The following CASZ1 variants were observed in gnomAD, a reference collection of about 807,000 sequenced individuals.
CASZ1 encodes the protein castor zinc finger 1.
A neutral mutation model predicts 135.2 loss-of-function variants in CASZ1; 28 were observed. The observed-to-expected ratio is 0.21, with a 90% CI of 0.15 to 0.28. The LOEUF is 0.28. CASZ1 is among the 10% of genes least tolerant of loss of function. CASZ1 has a pLI of 1.00. For missense variants in CASZ1, 2,161 were observed against 2,453.3 expected, an observed-to-expected ratio of 0.88 and a Z score of 2.52; for synonymous variants, 1,068 against 1,073.4, an observed-to-expected ratio of 0.99 and a Z score of 0.10.
intron 20 of CASZ1, among the ~76,000 whole-genome samples, chr1:10,642,500 CG>C (rs149877439): frequency 0.013 from 2,033 of 151,974 alleles, 43 homozygotes; most frequent in African/African-American, 0.045. Context: ...GAGAGAGAGG[CG>C]GGGCAGTGCC....
In CASZ1 at chr1:10,666,124, G is replaced by A. The variant is rs1460161462; in HGVS notation, c.17-553C>T. On this transcript the variant is annotated intron_variant, in intron 4 of 20. Coordinates refer to ENST00000377022, the MANE Select transcript of CASZ1 (RefSeq NM_001079843.3). This position sits in a 1 kb window ranked among gnomAD's most constrained non-coding sequence, Gnocchi z 5.2. ...AGCCTCTTGCCTCACTGTCCCGGCA[G>A]CACTTGGCTGGCACCCTCCCACCCG... Among the ~76,000 whole-genome samples the A allele has an allele frequency of 2.0e-5, 3 of 152,154 alleles. No homozygotes were observed. Among genetic ancestry groups the A allele is most frequent in the African/African-American group, 4.8e-5 (2 of 41,436 alleles).
chr1:10,709,690 A>T lies in CASZ1; in HGVS notation c.-76-4146T>A, dbSNP rs569613091. 4.8e-4 allele frequency among the ~76,000 whole-genome samples: 73 copies of T among 152,248 alleles called. No homozygotes were observed. In the South Asian group the frequency reaches 0.015, roughly 30 times the overall value. ...AGCGAATCAAAGTGCTGCCCGGAGG[A>T]CGGCTGGGGAGAGAAAGGCCCCAGG... On this transcript the variant is annotated intron_variant, in intron 2 of 20. Coordinates refer to ENST00000377022, the MANE Select transcript of CASZ1 (RefSeq NM_001079843.3). The surrounding 1 kb of genome is among the most constrained non-coding windows in gnomAD (Gnocchi z 5.1).
chr1:10,658,180 A>C, intron 7 of CASZ1: 1 of 319,910 alleles, frequency 3.1e-6, no homozygotes, highest in Non-Finnish European at 6.0e-6. Flanking sequence ...CCTGCACCCT[A>C]CTCAAGGCTC....
chr1:10,683,612 G>A (rs1366380952), intron 4 of CASZ1, among the ~76,000 whole-genome samples: 1 of 152,228 alleles, frequency 6.6e-6, no homozygotes, highest in Non-Finnish European at 1.5e-5. Context: ...GAGAATGCCC[G>A]TTCGGTTAGA....
chr1:10,653,447 C>T lies in CASZ1; in HGVS notation c.2610G>A (p.Lys870=). ...ASIMERISAS[K]GLISPMMARL... is the part of the protein sequence containing the mutation. ...TGGCCATCATGGGCGAGATGAGGCC[C>T]TTGCTTGCAGAGATCCTCTCCATGA... The change falls in exon 11 of 21, where the codon AAG becomes AAA. Residue 870 remains lysine (K), a synonymous_variant. Transcript: ENST00000377022. The T allele has an allele frequency of 6.2e-7, 1 of 1,613,352 alleles. No homozygotes were observed. Among genetic ancestry groups the T allele is most frequent in the Non-Finnish European group, 8.5e-7 (1 of 1,180,010 alleles).
chr1:10,786,303 G>T (rs1277865649), intron 1 of CASZ1, among the ~76,000 whole-genome samples: 6 of 152,170 alleles, frequency 3.9e-5, no homozygotes, highest in African/African-American at 7.2e-5. Flanking sequence ...CCACTTGAGG[G>T]ACTGACTCCG....
rs1055579383 is a variant in CASZ1 at position 10,666,332 on chromosome 1, C to A, written c.17-761G>T. Among the ~76,000 whole-genome samples, 12 of 152,212 alleles carry A rather than the reference C, an allele frequency of 7.9e-5. No individual in the cohort carries two copies. Among genetic ancestry groups the A allele is most frequent in the Non-Finnish European group, 1.8e-4 (12 of 68,030 alleles). On this transcript the variant is annotated intron_variant, in intron 4 of 20. Coordinates refer to ENST00000377022, the MANE Select transcript of CASZ1 (RefSeq NM_001079843.3). This position sits in a 1 kb window ranked among gnomAD's most constrained non-coding sequence, Gnocchi z 5.2. ...GTCTTCTCCAGCCCTTGCCAGCCCC[C>A]TCTTGGCCTCTCTGTCCATTTCCTG...
At chr1:10,687,781 T>C (rs1358241441) in intron 4 of CASZ1, among the ~76,000 whole-genome samples, 1 of 152,198 alleles carries the variant, frequency 6.6e-6, no homozygotes, top group Non-Finnish European at 1.5e-5. Flanking sequence ...TCCCAGGCCA[T>C]GGTCATGGTT....
chr1:10,671,948 GC>G (rs1458215264), intron 4 of CASZ1, among the ~76,000 whole-genome samples: 2 of 152,200 alleles, frequency 1.3e-5, no homozygotes, highest in African/African-American at 4.8e-5. Flanking sequence ...CCCTGGAGAG[GC>G]CCCAGACCTA....
At position 10,644,909 on chromosome 1, in the gene CASZ1, C is replaced by T; in HGVS notation, c.3868+8G>A. On this transcript the variant is annotated splice_region_variant and intron_variant, in intron 18 of 20. Transcript: ENST00000377022. ...CAAGTCCCTGCCCGCAGCCCCAGCC[C>T]TCGGTACCTAGCCTGCCACACTCCT... is the stretch of plus-strand genomic sequence containing the variant. 1 of 1,610,662 alleles carries T rather than the reference C, an allele frequency of 6.2e-7. No homozygotes were observed. The highest frequency in any genetic ancestry group is 8.5e-7 in the Non-Finnish European group (1 of 1,178,110).
At chr1:10,654,673 G>T in intron 9 of CASZ1, 82 bp from the exon 10 acceptor site, 1 of 1,357,190 alleles carries the variant, frequency 7.4e-7, no homozygotes, top group South Asian at 1.3e-5. Flanking sequence ...TGTGGCTGGG[G>T]CCACTGACTT....
intron 7 of CASZ1, among the ~76,000 whole-genome samples, chr1:10,656,979 G>A (rs1488697611): frequency 6.6e-6 from 1 of 152,186 alleles, no homozygotes; most frequent in East Asian, 1.9e-4. Flanking sequence ...AGTAGGGGGA[G>A]ACAGATGGGG....
chr1:10,710,768 G>A (rs1377365168), intron 2 of CASZ1, among the ~76,000 whole-genome samples: 3 of 152,258 alleles, frequency 2.0e-5, no homozygotes, highest in South Asian at 2.1e-4. Flanking sequence ...GCTCCACAGC[G>A]AGATCATCAG....
Position 10,656,740 on chromosome 1 carries a change from G to C in CASZ1, c.1410-4C>G, listed in dbSNP as rs1642810964. 2 of 1,580,660 alleles carry C rather than the reference G, an allele frequency of 1.3e-6. No individual in the cohort carries two copies. Among genetic ancestry groups the C allele is most frequent in the Non-Finnish European group, 1.7e-6 (2 of 1,162,354 alleles). On this transcript the variant is annotated splice_polypyrimidine_tract_variant and splice_region_variant and intron_variant, in intron 7 of 20. Transcript: ENST00000377022. Reference sequence around the variant, plus strand: ...ACAGTGCTGGCTGCCCGAGAACCTGGAGGGAGGAGGGGTGGGGTCAGGGCC... The same window carrying C: ...ACAGTGCTGGCTGCCCGAGAACCTGCAGGGAGGAGGGGTGGGGTCAGGGCC...
chr1:10,647,040 G>A lies in CASZ1; in HGVS notation c.3498-714C>T, dbSNP rs1253316428. Among the ~76,000 whole-genome samples the A allele has an allele frequency of 2.0e-5, 3 of 151,898 alleles. No homozygotes were observed. Among genetic ancestry groups the A allele is most frequent in the African/African-American group, 7.3e-5 (3 of 41,348 alleles). The stretch of plus-strand genomic sequence containing the variant: ...GGCAACACTGTAGTCCCCTCCCAGG[G>A]GACCCACGGTGGGCACTCTGACCAG... On this transcript the variant is annotated intron_variant, in intron 16 of 20. Transcript: ENST00000377022. This position sits in a 1 kb window ranked among gnomAD's most constrained non-coding sequence, Gnocchi z 4.9.
intron 1 of CASZ1, among the ~76,000 whole-genome samples, chr1:10,766,463 G>A (rs779478746): frequency 2.6e-5 from 4 of 152,202 alleles, no homozygotes; most frequent in Non-Finnish European, 4.4e-5. Flanking sequence ...GTAACATGCT[G>A]AGGAAAGTAC....
At chr1:10,745,476 A>AG (rs1640022688) in intron 2 of CASZ1, among the ~76,000 whole-genome samples, 1 of 152,180 alleles carries the variant, frequency 6.6e-6, no homozygotes, top group South Asian at 2.1e-4. Flanking sequence ...AGGGGACTCA[A>AG]GGGGGTGTGG....
chr1:10,653,549 T>A lies in CASZ1; in HGVS notation c.2508A>T (p.Thr836=). The A allele has an allele frequency of 6.3e-7, 1 of 1,592,074 alleles. No homozygotes were observed. Among genetic ancestry groups the A allele is most frequent in the Non-Finnish European group, 8.6e-7 (1 of 1,167,690 alleles). The change falls in exon 11 of 21, where the codon ACA becomes ACT. Residue 836 remains threonine, a synonymous_variant. Coordinates refer to ENST00000377022, the MANE Select transcript of CASZ1 (RefSeq NM_001079843.3). ...SGSAASATPD[T]PTLVASGAGD... ...CAGCTCCCGAGGCGACCAGCGTGGG[T>A]GTGTCAGGGGTGGCTGAGGCTGCTG...
chr1:10,737,517 C>T (rs998601012), intron 2 of CASZ1, among the ~76,000 whole-genome samples: 9 of 152,254 alleles, frequency 5.9e-5, no homozygotes, highest in Non-Finnish European at 1.3e-4. Flanking sequence ...ACGTGACCCA[C>T]CAGCGAGCAC....
Sources: gnomAD v4.1 joint callset for allele counts (sites outside exome capture counted in the v4.1 genomes callset) on GRCh38, gnomAD v4.1.1 for gene constraint, Gnocchi (gnomAD v3.1) non-coding constraint, MANE v1.5 for transcripts, NCBI Gene and HGNC (gene_info 2026-07-23, HGNC 2026-07-21) for gene names.